Variants in CHD9 observed in about 807,000 individuals in gnomAD.
The protein encoded by CHD9 is chromodomain helicase DNA binding protein 9, also known as ATP-dependent chromatin remodeler CHD9.
CHD9 carries 77 observed loss-of-function variants against 316.1 expected under a neutral mutation model. The ratio of observed to expected loss-of-function variants is 0.24; its 90% CI spans 0.20 to 0.29. The LOEUF (loss-of-function observed/expected upper bound fraction) is 0.29. Among genes scored for constraint, CHD9 ranks in the 10% least tolerant of loss-of-function variants. The pLI is 1.00. For missense variants in CHD9, 2,763 were observed against 3,438.1 expected, an observed-to-expected ratio of 0.80 and a Z score of 4.91; for synonymous variants, 1,129 against 1,158.3, an observed-to-expected ratio of 0.97 and a Z score of 0.51.
Position 53,235,280 on chromosome 16 carries a change from C to G in CHD9, c.2607C>G (p.Asn869Lys), listed in dbSNP as rs1314874482. The change falls in exon 11 of 39, where the codon AAC becomes AAG. Residue 869 changes from asparagine (N) to lysine (K), a missense_variant. Asn to Lys is a moderately conservative substitution (Grantham distance 94). Around this residue, in one of 15 missense-constraint regions of CHD9, gnomAD observed 186 missense variants for 245.0 expected, o/e 0.76. Coordinates refer to ENST00000447540, the MANE Select transcript of CHD9 (RefSeq NM_001308319.2). ...GGGAATATCAACTGGAAGGACTCAA[C>G]TGGCTCTTGTTCAATTGGTACAATA... is the stretch of plus-strand genomic sequence containing the variant. The part of the protein sequence containing the change: ...QLREYQLEGL[N>K]WLLFNWYNRR... The G allele has an allele frequency of 1.3e-6, 2 of 1,548,400 alleles. No homozygotes were observed. The highest frequency in any genetic ancestry group is 2.0e-5 in the Admixed American group (1 of 50,972).
At chr16:53,111,821 G>T (rs971706657) in intron 1 of CHD9, among the ~76,000 whole-genome samples, 4 of 152,114 alleles carry the variant, frequency 2.6e-5, no homozygotes, top group African/African-American at 7.2e-5. Flanking sequence ...ACTTCCAAAT[G>T]CTCTGCCACT....
At position 53,209,622 on chromosome 16, in the gene CHD9, A is replaced by G. The variant is rs1275314652; in HGVS notation, c.1593A>G (p.Ser531=). The change falls in exon 3 of 39, where the codon TCA becomes TCG. Residue 531 remains serine, a synonymous_variant. Transcript: ENST00000447540. ...AAGAAAAGGCTAATCGTATAATATC[A>G]GAGGCCATAGCAAAAGCAAAGGAGC... is the stretch of plus-strand genomic sequence containing the variant. The part of the protein sequence containing the change: ...SKQEKANRII[S]EAIAKAKERG... The G allele has an allele frequency of 1.2e-6, 2 of 1,613,838 alleles. No homozygotes were observed. The highest frequency in any genetic ancestry group is 1.7e-6 in the Non-Finnish European group (2 of 1,179,864).
At chr16:53,209,016 C>T (rs912911982) in intron 2 of CHD9, among the ~76,000 whole-genome samples, 3 of 152,072 alleles carry the variant, frequency 2.0e-5, no homozygotes, top group African/African-American at 7.2e-5. Flanking sequence ...TAAATGATTT[C>T]AGGTTGTAGT....
intron 24 of CHD9, 118 bp from the exon 25 acceptor site, chr16:53,285,478 T>TAATGA (rs10640321): frequency 0.97 from 424,459 of 436,984 alleles, 206,297 homozygotes; most frequent in East Asian, 1. Flanking sequence ...GATTAAAAAA[T>TAATGA]AATGAAATCC....
intron 1 of CHD9, among the ~76,000 whole-genome samples, chr16:53,151,267 T>C (rs956932919): frequency 1.3e-4 from 18 of 135,406 alleles, no homozygotes; most frequent in South Asian, 3.0e-4. Context: ...GTCCTGTCCT[T>C]TTCTGATGGA....
chr16:53,162,596 G>A (rs543253131), intron 2 of CHD9, among the ~76,000 whole-genome samples: 21 of 149,948 alleles, frequency 1.4e-4, no homozygotes, highest in African/African-American at 4.8e-4. Context: ...ACTGGCATTC[G>A]AAACAGGAAA....
At chr16:53,296,712 T>C (rs2054839368) in intron 29 of CHD9, among the ~76,000 whole-genome samples, 1 of 152,084 alleles carries the variant, frequency 6.6e-6, no homozygotes, top group South Asian at 2.1e-4. Context: ...CCCAAAGTGC[T>C]GGGATTACAG....
intron 2 of CHD9, among the ~76,000 whole-genome samples, chr16:53,175,093 GTTT>G (rs994064337): frequency 1.3e-5 from 2 of 152,168 alleles, no homozygotes; most frequent in African/African-American, 2.4e-5. Context: ...GACAGTTAAA[GTTT>G]TTTACTGTGG....
chr16:53,244,604 C>A (rs757363958), intron 13 of CHD9, among the ~76,000 whole-genome samples: 2 of 152,140 alleles, frequency 1.3e-5, no homozygotes, highest in Non-Finnish European at 2.9e-5. Flanking sequence ...AAATGATGAG[C>A]ACTCTTTGGT....
chr16:53,293,281 A>AT (rs370419299), intron 29 of CHD9, among the ~76,000 whole-genome samples: 241 of 152,098 alleles, frequency 1.6e-3, no homozygotes, highest in East Asian at 3.9e-3. Flanking sequence ...TACTGTAATC[A>AT]TTTTTTTTGT....
At chr16:53,181,104 G>A (rs150456385) in intron 2 of CHD9, among the ~76,000 whole-genome samples, 18 of 149,816 alleles carry the variant, frequency 1.2e-4, no homozygotes, top group African/African-American at 3.0e-4. Context: ...TCTGCCTTCC[G>A]GGTTCAAGCT....
At chr16:53,238,257 G>T (rs1376124357) in intron 11 of CHD9, 86 bp from the exon 12 acceptor site, 5 of 1,193,648 alleles carry the variant, frequency 4.2e-6, no homozygotes, top group Non-Finnish European at 4.6e-6. Context: ...TATTTTATTT[G>T]ATCTTTGATT....
intron 24 of CHD9, 66 bp downstream of exon 24, chr16:53,274,368 G>A: frequency 2.2e-6 from 2 of 917,194 alleles, no homozygotes; most frequent in Non-Finnish European, 3.3e-6. Context: ...TCAAGCTCCT[G>A]GGTTCAAGCG....
intron 34 of CHD9, among the ~76,000 whole-genome samples, chr16:53,309,755 C>T (rs2056303533): frequency 1.3e-5 from 2 of 152,134 alleles, no homozygotes; most frequent in Admixed American, 1.3e-4. Flanking sequence ...GCATGAGCCA[C>T]CACGCCCAGC....
intron 1 of CHD9, among the ~76,000 whole-genome samples, chr16:53,114,753 A>G (rs2038158400): frequency 6.6e-6 from 1 of 151,262 alleles, no homozygotes; most frequent in Non-Finnish European, 1.5e-5. Flanking sequence ...ACGTCTGGCT[A>G]ATTTTTTGTA....
chr16:53,146,534 A>G (rs2040639209), intron 1 of CHD9, among the ~76,000 whole-genome samples: 1 of 149,836 alleles, frequency 6.7e-6, no homozygotes, highest in South Asian at 2.1e-4. Flanking sequence ...TTGGTGGCTC[A>G]TGCCTGTAAT....
intron 16 of CHD9, among the ~76,000 whole-genome samples, chr16:53,248,469 A>G (rs1181161436): frequency 6.7e-6 from 1 of 149,384 alleles, no homozygotes; most frequent in Non-Finnish European, 1.5e-5. Flanking sequence ...AATTTCAGCT[A>G]TAGATTTTTT....
Position 53,272,541 on chromosome 16 carries a change from C to G in CHD9, c.4718-1085C>G, listed in dbSNP as rs1261707828. ...GTGAAAAATTACAAGCAAAACAGCTCAAATTCATGGAAGATTAATAAATAG... is the reference window on the plus strand; with the variant it reads ...GTGAAAAATTACAAGCAAAACAGCTGAAATTCATGGAAGATTAATAAATAG... On this transcript the variant is annotated intron_variant, in intron 22 of 38. Transcript: ENST00000447540. Among the ~76,000 whole-genome samples the G allele has an allele frequency of 2.0e-5, 3 of 151,928 alleles. No homozygotes were observed. In the East Asian group the frequency reaches 5.8e-4, roughly 29 times the overall value.
chr16:53,156,765 A>G lies in CHD9; in HGVS notation c.676A>G (p.Ile226Val), dbSNP rs1275656903. The G allele has an allele frequency of 6.2e-7, 1 of 1,613,888 alleles. No homozygotes were observed. Among genetic ancestry groups the G allele is most frequent in the Non-Finnish European group, 8.5e-7 (1 of 1,179,864 alleles). The change falls in exon 2 of 39, where the codon ATT (isoleucine) becomes GTT (valine). Residue 226 changes from isoleucine to valine, a missense_variant. Ile to Val is a conservative substitution (Grantham distance 29). Coordinates refer to ENST00000447540, the MANE Select transcript of CHD9 (RefSeq NM_001308319.2). ...MTNASNSQQS[I>V]SMQQFSQTSN... ...TAATGCATCTAATTCACAACAGTCTATTTCAATGCAGCAATTTTCTCAAAC... is the reference window on the plus strand; with the variant it reads ...TAATGCATCTAATTCACAACAGTCTGTTTCAATGCAGCAATTTTCTCAAAC...
Sources: gnomAD v4.1 joint callset for allele counts (sites outside exome capture counted in the v4.1 genomes callset) on GRCh38, gnomAD v4.1.1 for gene constraint, gnomAD v4.1.1 regional missense constraint, MANE v1.5 for transcripts, NCBI Gene and HGNC (gene_info 2026-07-23, HGNC 2026-07-21) for gene names.